Variants in ZBTB20 observed in about 807,000 individuals in gnomAD.
ZBTB20 encodes zinc finger and BTB domain-containing protein 20.
A neutral mutation model predicts 56.9 loss-of-function variants in ZBTB20; 9 were observed. The observed-to-expected ratio is 0.16, with a 90% CI of 0.10 to 0.28. ZBTB20 has a LOEUF of 0.28. ZBTB20 is among the 10% of genes least tolerant of loss of function. The pLI is 1.00. For missense variants in ZBTB20, 655 were observed against 1,003.0 expected (o/e 0.65, Z 4.69); for synonymous variants, 417 against 420.7 (o/e 0.99, Z 0.11).
chr3:114,399,131 A>G (rs2086592271), intron 7 of ZBTB20, among the ~76,000 whole-genome samples: 1 of 152,182 alleles, frequency 6.6e-6, no homozygotes, highest in Non-Finnish European at 1.5e-5. Context: ...TAGTGGGCCT[A>G]CGACTAGAAG....
chr3:114,996,691 CAT>C (rs1302262865), intron 2 of ZBTB20, among the ~76,000 whole-genome samples: 9 of 151,930 alleles, frequency 5.9e-5, no homozygotes, highest in Non-Finnish European at 1.0e-4. Flanking sequence ...ATAACATACA[CAT>C]ATGTCTTTAT....
rs142571487 is a variant in ZBTB20 at position 114,621,414 on chromosome 3, T to C, written c.-295+72114A>G. On this transcript the variant is annotated intron_variant, in intron 6 of 11. Transcript: ENST00000675478. ...TATTTTTAATAGCTGAATATAGATA[T>C]ATGGTTGTGCGTATATGTAGGCATT... Among the ~76,000 whole-genome samples the C allele has an allele frequency of 6.3e-3, 964 of 152,288 alleles. 11 individuals carry two copies. The highest frequency in any genetic ancestry group is 0.022 in the African/African-American group (924 of 41,560).
chr3:114,422,477 A>G (rs1217927047), intron 7 of ZBTB20, among the ~76,000 whole-genome samples: 1 of 152,198 alleles, frequency 6.6e-6, no homozygotes, highest in African/African-American at 2.4e-5. Context: ...AATTCAGCTG[A>G]TAAGATTGTA....
chr3:114,859,336 T>C (rs2075400675), intron 4 of ZBTB20, among the ~76,000 whole-genome samples: 1 of 150,478 alleles, frequency 6.6e-6, no homozygotes, highest in Admixed American at 6.6e-5. Flanking sequence ...TCCTTTCTTC[T>C]TTCCTTTTTC....
intron 5 of ZBTB20, among the ~76,000 whole-genome samples, chr3:114,734,252 C>T (rs896866540): frequency 6.6e-6 from 1 of 151,422 alleles, no homozygotes; most frequent in Non-Finnish European, 1.5e-5. Flanking sequence ...AAATGACATG[C>T]AAATTTAAAT....
At chr3:114,744,472 C>T (rs1217569582) in intron 5 of ZBTB20, among the ~76,000 whole-genome samples, 2 of 152,012 alleles carry the variant, frequency 1.3e-5, no homozygotes, top group South Asian at 2.1e-4. Flanking sequence ...GCCCTCCTGT[C>T]GGAAGCCCTC....
intron 4 of ZBTB20, among the ~76,000 whole-genome samples, chr3:114,871,127 C>T (rs918603255): frequency 6.6e-6 from 1 of 152,100 alleles, no homozygotes; most frequent in South Asian, 2.1e-4. Flanking sequence ...TTAACCTTGT[C>T]CCAACCACAT....
At chr3:115,029,312 C>T (rs372392090) in intron 2 of ZBTB20, among the ~76,000 whole-genome samples, 5 of 132,050 alleles carry the variant, frequency 3.8e-5, no homozygotes, top group Admixed American at 3.2e-4. Context: ...TTTAATGCAA[C>T]CACTCTCAGA....
chr3:114,594,441 T>C (rs1465996448), intron 6 of ZBTB20, among the ~76,000 whole-genome samples: 1 of 152,006 alleles, frequency 6.6e-6, no homozygotes, highest in Non-Finnish European at 1.5e-5. Context: ...TAATTTTTTG[T>C]ATTTTAGTAG....
Position 114,326,975 on chromosome 3 carries a change from G to C in ZBTB20, c.*12030C>G, listed in dbSNP as rs1560066086. The C allele has an allele frequency of 6.6e-6, 1 of 152,014 alleles. No individual in the cohort carries two copies. The highest frequency in any genetic ancestry group is 1.5e-5 in the Non-Finnish European group (1 of 67,998). The allele number at this position is 152,014 out of a possible 1,614,324, so 9.4% of individuals were successfully genotyped here. A position where few individuals can be genotyped will look rare whatever the true frequency, so the allele number is the denominator to read the frequency against. On this transcript the variant is annotated 3_prime_UTR_variant, in exon 12 of 12. Coordinates refer to ENST00000675478, the MANE Select transcript of ZBTB20 (RefSeq NM_001348800.3). ...TGTGTGTGTGTTGCAGAGGGAGAGG[G>C]GAGCAAAGCAAGCTTTTCCTGGAGA...
intron 7 of ZBTB20, among the ~76,000 whole-genome samples, chr3:114,489,628 A>G (rs991620792): frequency 6.6e-6 from 1 of 152,176 alleles, no homozygotes; most frequent in East Asian, 1.9e-4. Context: ...ATTATTAATA[A>G]TAGTTGGTTC....
At chr3:114,734,383 C>T (rs2065982046) in intron 5 of ZBTB20, among the ~76,000 whole-genome samples, 1 of 151,920 alleles carries the variant, frequency 6.6e-6, no homozygotes, top group Non-Finnish European at 1.5e-5. Context: ...GGAATACAAG[C>T]TGTTGAAAAA....
chr3:114,718,614 T>G (rs1384430677), intron 5 of ZBTB20, among the ~76,000 whole-genome samples: 1 of 151,922 alleles, frequency 6.6e-6, no homozygotes, highest in Non-Finnish European at 1.5e-5. Context: ...CCAAAATATA[T>G]CCAAACCCAC....
intron 6 of ZBTB20, among the ~76,000 whole-genome samples, chr3:114,593,382 T>A (rs376855269): frequency 6.7e-6 from 1 of 149,506 alleles, no homozygotes; most frequent in Non-Finnish European, 1.5e-5. Flanking sequence ...CTTTTTTCTT[T>A]TCTTTTTTTT....
At chr3:115,050,322 T>C (rs1379198554) in intron 2 of ZBTB20, among the ~76,000 whole-genome samples, 8 of 151,938 alleles carry the variant, frequency 5.3e-5, no homozygotes, top group Admixed American at 3.9e-4. Flanking sequence ...GTATATGCTA[T>C]GAAATTATAA....
intron 11 of ZBTB20, among the ~76,000 whole-genome samples, chr3:114,346,369 T>C (rs1055951072): frequency 6.6e-6 from 1 of 151,960 alleles, no homozygotes. Flanking sequence ...ACACTTTGCC[T>C]CTTCTGAAAA....
At chr3:114,906,156 C>T (rs748987249) in intron 3 of ZBTB20, among the ~76,000 whole-genome samples, 9 of 151,798 alleles carry the variant, frequency 5.9e-5, no homozygotes, top group Non-Finnish European at 8.8e-5. Context: ...ACACAGTCAA[C>T]ACTTAATAAG....
intron 2 of ZBTB20, among the ~76,000 whole-genome samples, chr3:114,983,323 C>CT (rs1411839711): frequency 1.3e-5 from 2 of 151,974 alleles, no homozygotes; most frequent in African/African-American, 4.8e-5. Flanking sequence ...CGTCTCTACT[C>CT]TGTCAATTTC....
At chr3:115,081,507 A>G (rs1435564073) in intron 1 of ZBTB20, among the ~76,000 whole-genome samples, 5 of 152,186 alleles carry the variant, frequency 3.3e-5, no homozygotes, top group Non-Finnish European at 7.4e-5. Context: ...TTAAAAATGC[A>G]TAAGTAATTT....
Sources: allele counts gnomAD v4.1 joint callset (sites outside exome capture counted in the v4.1 genomes callset), GRCh38; gene constraint gnomAD v4.1.1; transcripts MANE v1.5; gene names NCBI Gene and HGNC (gene_info 2026-07-23, HGNC 2026-07-21).